The following SLCO1A2 variants were observed in gnomAD, a reference collection of about 807,000 sequenced individuals.
The protein encoded by SLCO1A2 is solute carrier organic anion transporter family member 1A2.
In SLCO1A2, 67 loss-of-function variants were observed where a neutral mutation model predicts 69.0. The ratio of observed to expected loss-of-function variants is 0.97; its 90% CI spans 0.80 to 1.19. The LOEUF (loss-of-function observed/expected upper bound fraction) is 1.19. Ranked by LOEUF, SLCO1A2 falls within the 50% of genes most tolerant of loss-of-function variation. SLCO1A2 has a pLI of 0.00. For synonymous variants in SLCO1A2, 260 were observed against 265.9 expected, an observed-to-expected ratio of 0.98 and a Z score of 0.22; for missense variants, 787 against 793.7, an observed-to-expected ratio of 0.99 and a Z score of 0.10.
intron 2 of SLCO1A2, among the ~76,000 whole-genome samples, chr12:21,322,269 T>C (rs1007969045): frequency 1.3e-5 from 2 of 149,156 alleles, no homozygotes; most frequent in Non-Finnish European, 2.9e-5. Context: ...CCCAAAAGTA[T>C]CTGAGACAGT....
intron 1 of SLCO1A2, among the ~76,000 whole-genome samples, chr12:21,393,907 C>T (rs541890917): frequency 2.9e-4 from 44 of 152,220 alleles, no homozygotes; most frequent in African/African-American, 9.6e-4. Flanking sequence ...AATAACCAAG[C>T]GACATTACTG....
chr12:21,276,363 G>A (rs528747946), intron 12 of SLCO1A2, among the ~76,000 whole-genome samples: 21 of 149,728 alleles, frequency 1.4e-4, no homozygotes, highest in Non-Finnish European at 2.4e-4. Flanking sequence ...CTACTTATGC[G>A]TAGAGATGAT....
Position 21,304,580 on chromosome 12 carries a change from TAAAA to T in SLCO1A2, c.443-11_443-8del. On this transcript the variant is annotated splice_polypyrimidine_tract_variant and splice_region_variant and intron_variant, in intron 5 of 14. Transcript: ENST00000683939. ...TTAACTTCCTTTGTACACTCTGCAT[TAAAA>T]AAAAAAGACATGACATTAGTGCTTT... The T allele has an allele frequency of 7.3e-7, 1 of 1,364,094 alleles. No homozygotes were observed. Among genetic ancestry groups the T allele is most frequent in the South Asian group, 1.4e-5 (1 of 73,050 alleles). 84.5% of individuals were successfully genotyped at this position (1,364,094 alleles called of 1,614,324 possible).
chr12:21,330,282 T>C (rs972494128), intron 2 of SLCO1A2, among the ~76,000 whole-genome samples: 4 of 152,060 alleles, frequency 2.6e-5, no homozygotes, highest in African/African-American at 9.7e-5. Flanking sequence ...CATTTTAGTC[T>C]AGGTGTTCGA....
chr12:21,395,498 G>C (rs1441449266), upstream of SLCO1A2: 1 of 154,168 alleles, frequency 6.5e-6, no homozygotes, highest in Non-Finnish European at 1.4e-5. Context: ...CAGCTGTGAA[G>C]CTCGAACTGG....
chr12:21,335,692 C>A (rs147793597), upstream of SLCO1A2, among the ~76,000 whole-genome samples: 31 of 152,172 alleles, frequency 2.0e-4, no homozygotes, highest in East Asian at 4.6e-3. Context: ...TTTTAAAAAA[C>A]CAACTGCTTT....
chr12:21,308,022 A>C (rs1949646956), intron 4 of SLCO1A2, among the ~76,000 whole-genome samples: 1 of 152,208 alleles, frequency 6.6e-6, no homozygotes, highest in Admixed American at 6.5e-5. Context: ...GGTAGAAAGA[A>C]ATGTATACAG....
intron 2 of SLCO1A2, among the ~76,000 whole-genome samples, chr12:21,319,129 G>T (rs903890354): frequency 6.6e-6 from 1 of 152,142 alleles, no homozygotes. Flanking sequence ...GACTAATTTT[G>T]TAGGCAGTTG....
At chr12:21,405,162 C>G (rs1941802718) in intron 1 of SLCO1A2, among the ~76,000 whole-genome samples, 2 of 151,412 alleles carry the variant, frequency 1.3e-5, no homozygotes, top group African/African-American at 4.9e-5. Context: ...AAATTTTCTC[C>G]CATTCTGTAG....
chr12:21,275,365 A>ACTC lies in SLCO1A2; in HGVS notation c.1667_1669dup (p.Arg556_Val557insGly). 6.4e-7 allele frequency: 1 copy of ACTC among 1,559,140 alleles called. No homozygotes were observed. The highest frequency in any genetic ancestry group is 8.8e-7 in the Non-Finnish European group (1 of 1,142,386). On this transcript the variant is annotated inframe_insertion, in exon 13 of 15. Coordinates refer to ENST00000683939, the MANE Select transcript of SLCO1A2 (RefSeq NM_001386879.1). ...GAAAAAATAACTATTTTTACCAAAT[A>ACTC]CTCTTGTGCAAAATGTATGTAATCC...
intron 4 of SLCO1A2, among the ~76,000 whole-genome samples, chr12:21,307,959 C>T (rs975665028): frequency 2.0e-5 from 3 of 152,158 alleles, no homozygotes; most frequent in Non-Finnish European, 4.4e-5. Context: ...TGTCTCCATA[C>T]TCACAATCCT....
chr12:21,304,525 C>T lies in SLCO1A2; in HGVS notation c.491G>A (p.Gly164Asp), dbSNP rs773841068. 6.2e-7 allele frequency: 1 copy of T among 1,612,916 alleles called. No homozygotes were observed. Among genetic ancestry groups the T allele is most frequent in the Non-Finnish European group, 8.5e-7 (1 of 1,179,162 alleles). ...TTCACCCATTCCACGTACAATATTG[C>T]CTACTAGGACGTACACCCACATTAA... ...KSLMWVYVLVGNIVRGMGETP... is the reference protein window; with the variant it reads ...KSLMWVYVLVDNIVRGMGETP... Residue 164 changes from glycine to aspartate, a missense_variant, in exon 6 of 15, where the codon GGC (glycine) becomes GAC (aspartate). By Grantham distance (94) the Gly-to-Asp change is moderately conservative. Coordinates refer to ENST00000683939, the MANE Select transcript of SLCO1A2 (RefSeq NM_001386879.1).
chr12:21,301,113 C>T (rs1948654853), intron 7 of SLCO1A2, 58 bp downstream of exon 7: 2 of 1,055,146 alleles, frequency 1.9e-6, no homozygotes, highest in Non-Finnish European at 1.4e-6. Context: ...TATATGATAA[C>T]ATACCTGAGA....
At chr12:21,338,295 T>C (rs1357675892), upstream of SLCO1A2, among the ~76,000 whole-genome samples, 1 of 151,918 alleles carries the variant, frequency 6.6e-6, no homozygotes, top group Non-Finnish European at 1.5e-5. Context: ...GTGAGAATCT[T>C]GCTAAGTCTG....
chr12:21,310,894 C>A (rs553291782), intron 4 of SLCO1A2, among the ~76,000 whole-genome samples: 2 of 152,196 alleles, frequency 1.3e-5, no homozygotes, highest in Admixed American at 1.3e-4. Flanking sequence ...TGAGCCACCG[C>A]GCCCAGCCGC....
chr12:21,381,533 C>T (rs1940587200), intron 1 of SLCO1A2, among the ~76,000 whole-genome samples: 1 of 152,146 alleles, frequency 6.6e-6, no homozygotes, highest in Non-Finnish European at 1.5e-5. Flanking sequence ...CGTGGTGGCT[C>T]ACAGCTGTAA....
intron 1 of SLCO1A2, among the ~76,000 whole-genome samples, chr12:21,415,383 C>T (rs144534260): frequency 6.6e-6 from 1 of 152,004 alleles, no homozygotes; most frequent in African/African-American, 2.4e-5. Context: ...TTCTTTTAAT[C>T]GTCTTTACCT....
At chr12:21,404,642 G>C (rs1035166915) in intron 1 of SLCO1A2, among the ~76,000 whole-genome samples, 4 of 152,092 alleles carry the variant, frequency 2.6e-5, no homozygotes, top group Non-Finnish European at 5.9e-5. Flanking sequence ...ATCACTGATG[G>C]GCATTTGGGT....
Position 21,314,596 on chromosome 12 carries a change from C to T in SLCO1A2, c.288G>A (p.Met96Ile), listed in dbSNP as rs763762015. 1 of 1,614,080 alleles carries T rather than the reference C, an allele frequency of 6.2e-7. No homozygotes were observed. Among genetic ancestry groups the T allele is most frequent in the Non-Finnish European group, 8.5e-7 (1 of 1,179,950 alleles). The change falls in exon 4 of 15, where the codon ATG (methionine) becomes ATA (isoleucine). Residue 96 changes from methionine to isoleucine, a missense_variant. Coordinates refer to ENST00000683939, the MANE Select transcript of SLCO1A2 (RefSeq NM_001386879.1). ...PIMIGIGCVV[M>I]GLGCFLKSLP... ...GTGATTTTAAGAAACAGCCTAAGCC[C>T]ATAACCACACATCCAATGCCAATCA...
Sources: allele counts gnomAD v4.1 joint callset (sites outside exome capture counted in the v4.1 genomes callset), GRCh38; gene constraint gnomAD v4.1.1; transcripts MANE v1.5; gene names NCBI Gene and HGNC (gene_info 2026-07-23, HGNC 2026-07-21).